FRS2: variants seen among roughly 807,000 people sequenced by gnomAD.
FRS2 encodes FGFR signalling adaptor.
In FRS2, 8 loss-of-function variants were observed where a neutral mutation model predicts 43.9. That is an observed-to-expected ratio of 0.18 (90% CI 0.11 to 0.33). The LOEUF (loss-of-function observed/expected upper bound fraction) is 0.33. FRS2 is among the 10% of genes least tolerant of loss of function. The pLI is 1.00. For missense variants in FRS2, 534 were observed against 627.6 expected, an observed-to-expected ratio of 0.85 and a Z score of 1.59; for synonymous variants, 219 against 220.3, an observed-to-expected ratio of 0.99 and a Z score of 0.05.
At position 69,575,786 on chromosome 12, in the gene FRS2, T is replaced by G. The variant is rs1454869299; in HGVS notation, c.*831T>G. The G allele has an allele frequency of 1.3e-5, 2 of 152,634 alleles. No homozygotes were observed. The highest frequency in any genetic ancestry group is 4.8e-5 in the African/African-American group (2 of 41,448). 9.5% of individuals were successfully genotyped at this position (152,634 alleles called of 1,614,324 possible). ...TTCTGGAGGCATTTGTGCCATTAGGTTTCCATTTATCTTCAGTTTTTTTCT... is the reference window on the plus strand; with the variant it reads ...TTCTGGAGGCATTTGTGCCATTAGGGTTCCATTTATCTTCAGTTTTTTTCT... On this transcript the variant is annotated 3_prime_UTR_variant, in exon 9 of 9. Transcript: ENST00000549921.
chr12:69,472,658 G>A (rs1396703638), intron 1 of FRS2, among the ~76,000 whole-genome samples: 1 of 152,046 alleles, frequency 6.6e-6, no homozygotes, highest in Non-Finnish European at 1.5e-5. Flanking sequence ...CAAACACTGA[G>A]CATTTGCTAT....
intron 3 of FRS2, among the ~76,000 whole-genome samples, chr12:69,560,882 T>C (rs958085059): frequency 6.6e-6 from 1 of 152,254 alleles, no homozygotes; most frequent in Admixed American, 6.5e-5. Flanking sequence ...TCAAAGCTTA[T>C]GACTTTTCAT....
intron 3 of FRS2, among the ~76,000 whole-genome samples, chr12:69,542,463 G>A (rs1236760497): frequency 1.3e-5 from 2 of 152,118 alleles, no homozygotes; most frequent in African/African-American, 2.4e-5. Flanking sequence ...GTTATTTAAA[G>A]TATGCAGGAA....
At position 69,578,719 on chromosome 12, in the gene FRS2, A is replaced by G. The variant is rs1156716294; in HGVS notation, c.*3764A>G. On this transcript the variant is annotated 3_prime_UTR_variant, in exon 9 of 9. Coordinates refer to ENST00000549921, the MANE Select transcript of FRS2 (RefSeq NM_001278356.2). ...TTACATTGTATAATATTGTAAGACT[A>G]TTGTATGTCCTAATTTGCATTATAA... 6.6e-6 allele frequency: 1 copy of G among 152,644 alleles called. No homozygotes were observed. The highest frequency in any genetic ancestry group is 2.4e-5 in the African/African-American group (1 of 41,466). 9.5% of individuals were successfully genotyped at this position (152,644 alleles called of 1,614,324 possible).
intron 1 of FRS2, among the ~76,000 whole-genome samples, chr12:69,499,384 A>C (rs1211082872): frequency 6.6e-6 from 1 of 152,158 alleles, no homozygotes; most frequent in African/African-American, 2.4e-5. Flanking sequence ...CTTGATGATA[A>C]AAATATAGAA....
intron 1 of FRS2, among the ~76,000 whole-genome samples, chr12:69,480,529 G>A (rs971237313): frequency 9.9e-5 from 15 of 152,054 alleles, no homozygotes; most frequent in Non-Finnish European, 2.1e-4. Flanking sequence ...TCATAGCGGC[G>A]ATCATAGCAC....
chr12:69,527,268 GTA>G (rs1191153285), intron 1 of FRS2, among the ~76,000 whole-genome samples: 1 of 143,746 alleles, frequency 7.0e-6, no homozygotes, highest in Non-Finnish European at 1.5e-5. Flanking sequence ...TACTCTTAAT[GTA>G]TAGCAGTGAA....
intron 3 of FRS2, among the ~76,000 whole-genome samples, chr12:69,554,872 CTTTTTT>C (rs747422811): frequency 7.5e-6 from 1 of 133,334 alleles, no homozygotes; most frequent in Non-Finnish European, 1.6e-5. Flanking sequence ...GCCCAGCTAA[CTTTTTT>C]TTTTTTTTTT....
chr12:69,538,077 G>A (rs1387065074), intron 3 of FRS2: 1 of 152,236 alleles, frequency 6.6e-6, no homozygotes. Flanking sequence ...GTCTCCCGCA[G>A]TCTGCAGTTT....
At chr12:69,570,815 GACAAGTT>G (rs1269902740) in intron 6 of FRS2, among the ~76,000 whole-genome samples, 1 of 152,156 alleles carries the variant, frequency 6.6e-6, no homozygotes, top group Non-Finnish European at 1.5e-5. Context: ...GAATGGCCTT[GACAAGTT>G]ACAGGACTTC....
rs985549397 is a variant in FRS2 at position 69,576,395 on chromosome 12, G to T, written c.*1440G>T. Reference sequence around the variant, plus strand: ...AAATGAATTAAAGTTTATATAAACTGAAGAGTCTCCATATGTCAAACTCTT... The same window carrying T: ...AAATGAATTAAAGTTTATATAAACTTAAGAGTCTCCATATGTCAAACTCTT... On this transcript the variant is annotated 3_prime_UTR_variant, in exon 9 of 9. Coordinates refer to ENST00000549921, the MANE Select transcript of FRS2 (RefSeq NM_001278356.2). 1 of 152,198 alleles carries T rather than the reference G, an allele frequency of 6.6e-6. No homozygotes were observed. The highest frequency in any genetic ancestry group is 1.5e-5 in the Non-Finnish European group (1 of 68,040). The allele number at this position is 152,198 out of a possible 1,614,324, so 9.4% of individuals were successfully genotyped here. A position where few individuals can be genotyped will look rare whatever the true frequency, so the allele number is the denominator to read the frequency against.
chr12:69,544,092 TG>T (rs1355017920), intron 3 of FRS2, among the ~76,000 whole-genome samples: 1 of 55,590 alleles, frequency 1.8e-5, no homozygotes, highest in Non-Finnish European at 3.5e-5. Context: ...GTCGGGGGGG[TG>T]GGGAGGCTTT....
rs138375538 is a variant in FRS2 at position 69,548,658 on chromosome 12, A to G, written c.-121-13522A>G. 2.3e-3 allele frequency among the ~76,000 whole-genome samples: 343 copies of G among 152,284 alleles called. 1 individual carries two copies. Among genetic ancestry groups the G allele is most frequent in the African/African-American group, 7.9e-3 (330 of 41,560 alleles). ...GGTTCTGGCAGGAACCCTGTAATGGAAAAGAATTTAATAAAGGGATTAGTT... is the reference window on the plus strand; with the variant it reads ...GGTTCTGGCAGGAACCCTGTAATGGGAAAGAATTTAATAAAGGGATTAGTT... On this transcript the variant is annotated intron_variant, in intron 3 of 8. Transcript: ENST00000549921.
At chr12:69,498,519 T>G (rs147386223) in intron 1 of FRS2, among the ~76,000 whole-genome samples, 5 of 141,500 alleles carry the variant, frequency 3.5e-5, no homozygotes, top group South Asian at 2.4e-4. Flanking sequence ...TTATGAGGGT[T>G]TGTGTGTGTG....
At chr12:69,482,857 T>C (rs914649290) in intron 1 of FRS2, among the ~76,000 whole-genome samples, 1 of 152,204 alleles carries the variant, frequency 6.6e-6, no homozygotes, top group Non-Finnish European at 1.5e-5. Flanking sequence ...AAACCTGACT[T>C]AAGTAAATTA....
intron 1 of FRS2, among the ~76,000 whole-genome samples, chr12:69,485,907 T>G (rs940182792): frequency 1.3e-5 from 2 of 152,236 alleles, no homozygotes; most frequent in African/African-American, 4.8e-5. Flanking sequence ...AGTAGGTACT[T>G]GAAAATGCTG....
chr12:69,559,773 C>T (rs1001506422), intron 3 of FRS2, among the ~76,000 whole-genome samples: 1 of 151,266 alleles, frequency 6.6e-6, no homozygotes, highest in African/African-American at 2.4e-5. Context: ...TATTAAAAGA[C>T]CTACCCAATG....
At chr12:69,551,078 T>C (rs1878829205) in intron 3 of FRS2, among the ~76,000 whole-genome samples, 1 of 152,170 alleles carries the variant, frequency 6.6e-6, no homozygotes, top group Non-Finnish European at 1.5e-5. Context: ...GAAAGAAATA[T>C]TCTCAAAGTT....
At chr12:69,554,264 TA>T (rs1879153327) in intron 3 of FRS2, among the ~76,000 whole-genome samples, 1 of 152,116 alleles carries the variant, frequency 6.6e-6, no homozygotes, top group South Asian at 2.1e-4. Flanking sequence ...CTAGAAAACA[TA>T]AAAAGAAAAA....
Sources: allele counts gnomAD v4.1 joint callset (sites outside exome capture counted in the v4.1 genomes callset), GRCh38; gene constraint gnomAD v4.1.1; transcripts MANE v1.5; gene names NCBI Gene and HGNC (gene_info 2026-07-23, HGNC 2026-07-21).